The following DLG2 variants were observed in gnomAD, a reference collection of about 807,000 sequenced individuals.
DLG2 encodes the protein discs large MAGUK scaffold protein 2, also known as disks large homolog 2.
In DLG2, 45 loss-of-function variants were observed where a neutral mutation model predicts 132.5. The observed-to-expected ratio is 0.34, with a 90% CI of 0.27 to 0.44. The LOEUF (loss-of-function observed/expected upper bound fraction) is 0.44, where lower values mean the gene tolerates loss of function less well. Ranked by LOEUF, DLG2 falls within the 20% of genes least tolerant of loss-of-function variation. The pLI, the probability that DLG2 is intolerant of heterozygous loss-of-function variation, is 1.00. For missense variants in DLG2, 1,045 were observed against 1,196.9 expected (o/e 0.87, Z 1.87); for synonymous variants, 424 against 419.6 (o/e 1.01, Z -0.13).
intron 7 of DLG2, among the ~76,000 whole-genome samples, chr11:84,522,769 TA>T (rs1476418938): frequency 6.6e-6 from 1 of 152,258 alleles, no homozygotes; most frequent in East Asian, 1.9e-4. Flanking sequence ...GGACTATTTT[TA>T]TACTTATTAA....
At chr11:83,782,291 G>A (rs955498601) in intron 18 of DLG2, among the ~76,000 whole-genome samples, 6 of 152,064 alleles carry the variant, frequency 3.9e-5, no homozygotes, top group African/African-American at 1.4e-4. Context: ...ACATTATATT[G>A]CATTTAAATT....
Position 85,401,249 on chromosome 11 carries a change from C to G in DLG2, c.41-115884G>C, listed in dbSNP as rs2088067849. On this transcript the variant is annotated intron_variant, in intron 3 of 27. Transcript: ENST00000376104. Reference sequence around the variant, plus strand: ...CCAATGACAAAAATCACCTGATTATCTCAATAGATGCAGAAAAGGCCTTTG... The same window carrying G: ...CCAATGACAAAAATCACCTGATTATGTCAATAGATGCAGAAAAGGCCTTTG... 2.0e-5 allele frequency among the ~76,000 whole-genome samples: 3 copies of G among 152,114 alleles called. No homozygotes were observed. In the South Asian group the frequency reaches 6.2e-4, roughly 32 times the overall value.
Position 85,429,670 on chromosome 11 carries a change from G to A in DLG2, c.41-144305C>T, listed in dbSNP as rs527714739. ...AAACCACAATGAGATACCATCTCAC[G>A]CCAGTTAGAATGGCAATCATTAAAA... On this transcript the variant is annotated intron_variant, in intron 3 of 27. Coordinates refer to ENST00000376104, the MANE Select transcript of DLG2 (RefSeq NM_001142699.3). Among the ~76,000 whole-genome samples the A allele has an allele frequency of 1.8e-4, 27 of 152,220 alleles. No individual in the cohort carries two copies. The South Asian group carries it at 2.9e-3, about 16-fold the overall frequency.
intron 7 of DLG2, among the ~76,000 whole-genome samples, chr11:84,523,295 T>C (rs2099310089): frequency 2.6e-5 from 4 of 152,214 alleles, no homozygotes; most frequent in African/African-American, 9.6e-5. Context: ...GGAATGTGAA[T>C]TCCATACTAT....
chr11:84,880,610 TA>T lies in DLG2; in HGVS notation c.357+231050del, dbSNP rs371358331. On this transcript the variant is annotated intron_variant, in intron 6 of 27. Coordinates refer to ENST00000376104, the MANE Select transcript of DLG2 (RefSeq NM_001142699.3). ...TTCTTTGAACAAATAAGCAGTATGA[TA>T]ATATACCCTATCTCCCATGTTATAA... Among the ~76,000 whole-genome samples, 236 of 152,300 alleles carry T rather than the reference TA, an allele frequency of 1.5e-3. 2 individuals carry two copies. Among genetic ancestry groups the T allele is most frequent in the African/African-American group, 5.5e-3 (228 of 41,580 alleles).
At chr11:85,597,494 T>C (rs1013581127) in intron 3 of DLG2, among the ~76,000 whole-genome samples, 12 of 151,976 alleles carry the variant, frequency 7.9e-5, no homozygotes, top group African/African-American at 2.9e-4. Flanking sequence ...GCTAAGATGA[T>C]TACAGTTATG....
intron 4 of DLG2, among the ~76,000 whole-genome samples, chr11:85,196,245 C>T (rs572377042): frequency 3.4e-4 from 52 of 152,312 alleles, no homozygotes; most frequent in East Asian, 3.9e-4. Flanking sequence ...AAAACTACCA[C>T]GCACACATAC....
At chr11:84,421,752 C>A (rs1015626945) in intron 7 of DLG2, among the ~76,000 whole-genome samples, 1 of 152,188 alleles carries the variant, frequency 6.6e-6, no homozygotes, top group African/African-American at 2.4e-5. Context: ...CTTCCCATTC[C>A]CTTGTGTACC....
At chr11:85,212,083 C>T (rs2082288508) in intron 4 of DLG2, among the ~76,000 whole-genome samples, 2 of 152,002 alleles carry the variant, frequency 1.3e-5, no homozygotes, top group Admixed American at 1.3e-4. Context: ...ATCATATATC[C>T]ATATATCCCA....
chr11:84,270,597 G>T (rs2097708144), intron 7 of DLG2, among the ~76,000 whole-genome samples: 1 of 152,148 alleles, frequency 6.6e-6, no homozygotes, highest in Non-Finnish European at 1.5e-5. Context: ...TTAGTTCACA[G>T]AACTACATTG....
intron 15 of DLG2, among the ~76,000 whole-genome samples, chr11:83,922,119 T>C (rs1016971614): frequency 6.6e-6 from 1 of 152,186 alleles, no homozygotes; most frequent in African/African-American, 2.4e-5. Context: ...AAAACAATTA[T>C]TGAATTCTTA....
intron 4 of DLG2, among the ~76,000 whole-genome samples, chr11:85,164,520 C>G (rs1039256728): frequency 6.6e-6 from 1 of 152,146 alleles, no homozygotes; most frequent in African/African-American, 2.4e-5. Flanking sequence ...CAATTATGCT[C>G]TCATAGAAAT....
intron 6 of DLG2, among the ~76,000 whole-genome samples, chr11:85,081,649 G>T (rs1012335569): frequency 6.6e-6 from 1 of 152,156 alleles, no homozygotes; most frequent in South Asian, 2.1e-4. Context: ...TCTTGCAGTA[G>T]ACTGCCCAAG....
intron 6 of DLG2, among the ~76,000 whole-genome samples, chr11:84,903,002 T>C (rs931458566): frequency 8.6e-5 from 13 of 151,934 alleles, no homozygotes; most frequent in African/African-American, 3.1e-4. Context: ...ACCTTTTCTT[T>C]TCTGAAGCAT....
chr11:83,778,664 C>G (rs1408155684), intron 18 of DLG2, among the ~76,000 whole-genome samples: 1 of 151,970 alleles, frequency 6.6e-6, no homozygotes, highest in South Asian at 2.1e-4. Flanking sequence ...AGAGAGTTTT[C>G]TAATTTAGGA....
At chr11:85,620,745 A>T (rs983933722) in intron 2 of DLG2, among the ~76,000 whole-genome samples, 11 of 152,374 alleles carry the variant, frequency 7.2e-5, no homozygotes, top group African/African-American at 2.2e-4. Flanking sequence ...AGGAAGCCAC[A>T]GAAGAAAGCT....
intron 6 of DLG2, among the ~76,000 whole-genome samples, chr11:84,667,955 G>A (rs1252494315): frequency 6.6e-6 from 1 of 152,088 alleles, no homozygotes; most frequent in Admixed American, 6.6e-5. Context: ...AGCAACTTTT[G>A]AGGGTAATCT....
chr11:84,465,006 T>C (rs1424023146), intron 7 of DLG2, among the ~76,000 whole-genome samples: 1 of 151,208 alleles, frequency 6.6e-6, no homozygotes, highest in Non-Finnish European at 1.5e-5. Flanking sequence ...ATATTCCAGG[T>C]TGAACACTGT....
At chr11:84,142,766 A>C (rs1327861786) in intron 9 of DLG2, among the ~76,000 whole-genome samples, 1 of 152,106 alleles carries the variant, frequency 6.6e-6, no homozygotes, top group African/African-American at 2.4e-5. Context: ...TTTGGTCTCT[A>C]GATTTTATAT....
Sources: allele counts gnomAD v4.1 joint callset (sites outside exome capture counted in the v4.1 genomes callset), GRCh38; gene constraint gnomAD v4.1.1; transcripts MANE v1.5; gene names NCBI Gene and HGNC (gene_info 2026-07-23, HGNC 2026-07-21).